Variants in ITPRIP observed in about 807,000 individuals in gnomAD.
ITPRIP encodes inositol 1,4,5-trisphosphate receptor-interacting protein.
A neutral mutation model predicts 35.8 loss-of-function variants in ITPRIP; 32 were observed. The observed-to-expected ratio is 0.89, with a 90% confidence interval of 0.68 to 1.20. The LOEUF (loss-of-function observed/expected upper bound fraction) is 1.20, where lower values mean the gene tolerates loss of function less well. Among genes scored for constraint, ITPRIP ranks in the 50% most tolerant of loss-of-function variants. ITPRIP has a pLI of 0.00. For missense variants in ITPRIP, 653 were observed against 735.6 expected (o/e 0.89, Z 1.30); for synonymous variants, 358 against 324.0 (o/e 1.11, Z -1.13).
At chr10:104,325,922 T>G (rs1426540175) in intron 1 of ITPRIP, among the ~76,000 whole-genome samples, 2 of 151,862 alleles carry the variant, frequency 1.3e-5, no homozygotes, top group Non-Finnish European at 2.9e-5. Context: ...TGGACTCTGG[T>G]GAGGTGGGGC....
chr10:104,314,978 G>T lies in ITPRIP; in HGVS notation c.1074C>A (p.Asp358Glu). The T allele has an allele frequency of 6.2e-7, 1 of 1,613,958 alleles. No individual in the cohort carries two copies. Among genetic ancestry groups the T allele is most frequent in the Non-Finnish European group, 8.5e-7 (1 of 1,180,032 alleles). ...TGGGAAGGTGGGAGACAAAGTACAG[G>T]TCCGAGTCATCACACTGGATCACAG... ...LIPVIQCDDSDLYFVSHLPRE... is the reference protein window; with the variant it reads ...LIPVIQCDDSELYFVSHLPRE... The change falls in exon 2 of 2, where the codon GAC (aspartate) becomes GAA (glutamate). Residue 358 changes from aspartate (D) to glutamate (E), a missense_variant. By Grantham distance (45) the Asp-to-Glu change is conservative. Transcript: ENST00000337478.
chr10:104,332,184 C>T (rs1419426362), intron 1 of ITPRIP, among the ~76,000 whole-genome samples: 1 of 152,104 alleles, frequency 6.6e-6, no homozygotes, highest in East Asian at 1.9e-4. Context: ...TATGTGTAAA[C>T]CCCTAGAATG....
Position 104,312,655 on chromosome 10 carries a change from T to A in ITPRIP, c.*1753A>T. On this transcript the variant is annotated 3_prime_UTR_variant, in exon 2 of 2. Transcript: ENST00000337478. ...TTCCAGCTCACACTGGAAGGCTTCCTATAGGTTTGGTTGCCCTGATCACAG... is the reference window on the plus strand; with the variant it reads ...TTCCAGCTCACACTGGAAGGCTTCCAATAGGTTTGGTTGCCCTGATCACAG... 4.1e-6 allele frequency: 4 copies of A among 985,328 alleles called. No individual in the cohort carries two copies. In the South Asian group the frequency reaches 1.9e-4, roughly 46 times the overall value. 61.0% of individuals were successfully genotyped at this position (985,328 alleles called of 1,614,324 possible).
rs1246077064 is a variant in ITPRIP at position 104,312,962 on chromosome 10, G to A, written c.*1446C>T. 1.0e-6 allele frequency: 1 copy of A among 985,368 alleles called. No individual in the cohort carries two copies. Among genetic ancestry groups the A allele is most frequent in the Non-Finnish European group, 1.2e-6 (1 of 829,980 alleles). The allele number at this position is 985,368 out of a possible 1,614,324, so 61.0% of individuals were successfully genotyped here. On this transcript the variant is annotated 3_prime_UTR_variant, in exon 2 of 2. Transcript: ENST00000337478. ...TCAAAGGGCCAGTGAAGCCACAGGTGGAAAAGAGCCTTCCTGATCCCCCTG... is the reference window on the plus strand; with the variant it reads ...TCAAAGGGCCAGTGAAGCCACAGGTAGAAAAGAGCCTTCCTGATCCCCCTG...
chr10:104,312,624 G>C lies in ITPRIP; in HGVS notation c.*1784C>G. 1 of 985,448 alleles carries C rather than the reference G, an allele frequency of 1.0e-6. No individual in the cohort carries two copies. 61.0% of individuals were successfully genotyped at this position (985,448 alleles called of 1,614,324 possible). ...AGAGGCAGGCCCAAGCACATGTTCA[G>C]TCTAATTCCAGCTCACACTGGAAGG... On this transcript the variant is annotated 3_prime_UTR_variant, in exon 2 of 2. Transcript: ENST00000337478.
intron 1 of ITPRIP, among the ~76,000 whole-genome samples, chr10:104,329,254 GCCAGCCCTCCCACA>G (rs137862370): frequency 0.043 from 6,607 of 152,072 alleles, 506 homozygotes; most frequent in African/African-American, 0.15. Flanking sequence ...CCGGGCCTCT[GCCAGCCCTCCCACA>G]CCAGTTAGTC....
Position 104,333,059 on chromosome 10 carries a change from G to A in ITPRIP, c.-14+5187C>T, listed in dbSNP as rs546056638. Reference sequence around the variant, plus strand: ...ATTTCTCACTCTCTTTTGTGGGGAGGCTGAAGAATGGAAAGTCACTTTTCT... The same window carrying A: ...ATTTCTCACTCTCTTTTGTGGGGAGACTGAAGAATGGAAAGTCACTTTTCT... On this transcript the variant is annotated intron_variant, in intron 1 of 1. Transcript: ENST00000337478. This position sits in a 1 kb window ranked among gnomAD's most constrained non-coding sequence, Gnocchi z 4.1. Among the ~76,000 whole-genome samples the A allele has an allele frequency of 6.6e-6, 1 of 152,340 alleles. No homozygotes were observed. The highest frequency in any genetic ancestry group is 1.9e-4 in the East Asian group (1 of 5,190).
At chr10:104,331,788 C>T (rs1019155901) in intron 1 of ITPRIP, among the ~76,000 whole-genome samples, 2 of 152,172 alleles carry the variant, frequency 1.3e-5, no homozygotes, top group African/African-American at 2.4e-5. Flanking sequence ...TCCTTTCACC[C>T]TCAGATAGCT....
intron 1 of ITPRIP, among the ~76,000 whole-genome samples, chr10:104,332,129 G>A (rs1391254390): frequency 6.6e-6 from 1 of 152,080 alleles, no homozygotes; most frequent in African/African-American, 2.4e-5. Context: ...TGTAAAACTA[G>A]GATAACACCC....
chr10:104,331,530 G>T (rs796891144), intron 1 of ITPRIP, among the ~76,000 whole-genome samples: 32 of 152,306 alleles, frequency 2.1e-4, no homozygotes, highest in African/African-American at 7.7e-4. Context: ...TCAGGGAAAT[G>T]ACCTAGAAGG....
In ITPRIP at chr10:104,315,746, C is replaced by T. The variant is rs1298548871; in HGVS notation, c.306G>A (p.Val102=). 4 of 1,613,960 alleles carry T rather than the reference C, an allele frequency of 2.5e-6. No individual in the cohort carries two copies. The highest frequency in any genetic ancestry group is 4.5e-5 in the East Asian group (2 of 44,876). The change falls in exon 2 of 2, where the codon GTG becomes GTA. Residue 102 remains valine, a synonymous_variant. Coordinates refer to ENST00000337478, the MANE Select transcript of ITPRIP (RefSeq NM_001272013.2). This position sits in a 1 kb window ranked among gnomAD's most constrained non-coding sequence, Gnocchi z 5.7. The stretch of plus-strand genomic sequence containing the variant: ...GCCCCTCCTGGTGGTCCTGCCGCCA[C>T]ACCTCGATCATCAGGAAGAGGATCA... The part of the protein sequence containing the change: ...LCMILFLMIE[V]WRQDHQEGPS...
rs978690256 is a variant in ITPRIP at position 104,326,398 on chromosome 10, C to G, written c.-13-10334G>C. On this transcript the variant is annotated intron_variant, in intron 1 of 1. Coordinates refer to ENST00000337478, the MANE Select transcript of ITPRIP (RefSeq NM_001272013.2). The surrounding 1 kb of genome is among the most constrained non-coding windows in gnomAD (Gnocchi z 4.8). ...AGGACAGAGTGTCCCTCCGTCCAGC[C>G]ACTCTGCCTGCCTCCTCCAGCAGGA... 6.6e-6 allele frequency: 1 copy of G among 152,284 alleles called. No homozygotes were observed. Among genetic ancestry groups the G allele is most frequent in the African/African-American group, 2.4e-5 (1 of 41,464 alleles). 9.4% of individuals were successfully genotyped at this position (152,284 alleles called of 1,614,324 possible). A position where few individuals can be genotyped will look rare whatever the true frequency, so the allele number is the denominator to read the frequency against.
chr10:104,317,837 G>T (rs752358478), intron 1 of ITPRIP, among the ~76,000 whole-genome samples: 9 of 152,202 alleles, frequency 5.9e-5, no homozygotes, highest in Non-Finnish European at 1.3e-4. Context: ...GGTTGTCCCT[G>T]GCAAGTGGCA....
intron 1 of ITPRIP, among the ~76,000 whole-genome samples, chr10:104,334,267 A>C (rs906508844): frequency 6.6e-6 from 1 of 152,254 alleles, no homozygotes; most frequent in Non-Finnish European, 1.5e-5. Flanking sequence ...CAGCCGAAGC[A>C]GGCACTGCTT....
intron 1 of ITPRIP, among the ~76,000 whole-genome samples, chr10:104,318,690 G>T (rs2013755745): frequency 6.6e-6 from 1 of 152,188 alleles, no homozygotes; most frequent in East Asian, 1.9e-4. Context: ...TGTGCAAGAG[G>T]AAAAGAGGAT....
chr10:104,314,651 C>T lies in ITPRIP; in HGVS notation c.1401G>A (p.Lys467=). The stretch of plus-strand genomic sequence containing the variant: ...GGTGGAGCTTCTTCTGGAGCAAGCT[C>T]TTCTCCAGGAAGCACAGCAACTCGT... ...RLHELLCFLE[K]SLLQKKLHHF... is the part of the protein sequence containing the mutation. Residue 467 remains lysine, a synonymous_variant, in exon 2 of 2, where the codon AAG becomes AAA. Transcript: ENST00000337478. 4 of 1,614,050 alleles carry T rather than the reference C, an allele frequency of 2.5e-6. No individual in the cohort carries two copies. Among genetic ancestry groups the T allele is most frequent in the Non-Finnish European group, 3.4e-6 (4 of 1,180,006 alleles).
At chr10:104,337,654 C>A (rs1270111848) in intron 1 of ITPRIP, among the ~76,000 whole-genome samples, 1 of 152,086 alleles carries the variant, frequency 6.6e-6, no homozygotes, top group South Asian at 2.1e-4. Flanking sequence ...AAGAGCAAGT[C>A]TGCACAGCGT....
rs955438036 is a variant in ITPRIP at position 104,333,138 on chromosome 10, C to T, written c.-14+5108G>A. Among the ~76,000 whole-genome samples the T allele has an allele frequency of 6.6e-6, 1 of 152,186 alleles. No homozygotes were observed. The highest frequency in any genetic ancestry group is 2.4e-5 in the African/African-American group (1 of 41,446). On this transcript the variant is annotated intron_variant, in intron 1 of 1. Transcript: ENST00000337478. This position sits in a 1 kb window ranked among gnomAD's most constrained non-coding sequence, Gnocchi z 4.1. ...CTTCCCCTAACCCTCCTTACAGATCCAGGCTGCAGGAGGACCCCTAAGGAG... is the reference window on the plus strand; with the variant it reads ...CTTCCCCTAACCCTCCTTACAGATCTAGGCTGCAGGAGGACCCCTAAGGAG...
intron 1 of ITPRIP, among the ~76,000 whole-genome samples, chr10:104,319,029 G>A (rs2013769600): frequency 6.6e-6 from 1 of 152,236 alleles, no homozygotes; most frequent in Admixed American, 6.5e-5. Context: ...ACTGGTAATT[G>A]TAGGATTACA....
Sources: allele counts gnomAD v4.1 joint callset (sites outside exome capture counted in the v4.1 genomes callset), GRCh38; gene constraint gnomAD v4.1.1; non-coding constraint Gnocchi (gnomAD v3.1); transcripts MANE v1.5; gene names NCBI Gene and HGNC (gene_info 2026-07-23, HGNC 2026-07-21).